LCOR: variants seen among roughly 807,000 people sequenced by gnomAD.
The protein encoded by LCOR is ligand dependent nuclear receptor corepressor, also known as ligand-dependent corepressor.
A neutral mutation model predicts 64.4 loss-of-function variants in LCOR; 14 were observed. The observed-to-expected ratio is 0.22, with a 90% CI of 0.14 to 0.34. LCOR has a LOEUF of 0.34. Ranked by LOEUF, LCOR falls within the 10% of genes least tolerant of loss-of-function variation. The probability of loss-of-function intolerance (pLI) is 1.00; values close to 1 mark genes in which losing one functional copy is unlikely to be tolerated. For missense variants in LCOR, 1,686 were observed against 1,765.3 expected, an observed-to-expected ratio of 0.96 and a Z score of 0.80; for synonymous variants, 643 against 642.5, an observed-to-expected ratio of 1.00 and a Z score of -0.01.
chr10:96,971,031 T>C (rs1847994969), intron 7 of LCOR, among the ~76,000 whole-genome samples: 1 of 152,234 alleles, frequency 6.6e-6, no homozygotes, highest in African/African-American at 2.4e-5. Flanking sequence ...CAAATTGGAA[T>C]GTGTGTACTG....
intron 2 of LCOR, among the ~76,000 whole-genome samples, chr10:96,900,163 A>G (rs13376965): frequency 0.14 from 21,735 of 152,150 alleles, 2,136 homozygotes; most frequent in African/African-American, 0.27. Flanking sequence ...TTTTATATCA[A>G]TGGACTCATA....
rs1221545312 is a variant in LCOR at position 96,981,511 on chromosome 10, G to A, written c.1051G>A (p.Ala351Thr). 3 of 1,614,082 alleles carry A rather than the reference G, an allele frequency of 1.9e-6. No individual in the cohort carries two copies. The highest frequency in any genetic ancestry group is 1.1e-5 in the South Asian group (1 of 91,084). ...TTTGTTCAAAGCTTTATCAGAAGAG[G>A]CTTGGAACTCAGGGTTTATGGGGAA... ...RNLFKALSEE[A>T]WNSGFMGNSS... The change falls in exon 8 of 8, where the codon GCT becomes ACT. Residue 351 changes from alanine (A) to threonine (T), a missense_variant. Physicochemically the swap from Ala to Thr is moderately conservative, Grantham distance 58 (BLOSUM62 0). Around this residue, in one of 3 missense-constraint regions of LCOR, gnomAD observed 313 missense variants for 247.2 expected, o/e 1.27. Transcript: ENST00000421806.
chr10:96,914,458 A>C (rs1846902170), intron 4 of LCOR, among the ~76,000 whole-genome samples: 1 of 152,216 alleles, frequency 6.6e-6, no homozygotes, highest in Non-Finnish European at 1.5e-5. Context: ...CGGCCTCCCA[A>C]AGTGCTGGGA....
intron 7 of LCOR, chr10:96,962,937 ACTCTT>A (rs1161808411): frequency 1.3e-5 from 2 of 152,106 alleles, no homozygotes; most frequent in African/African-American, 4.8e-5. Context: ...CAGTTTACAC[ACTCTT>A]CTCACTCAAT....
intron 7 of LCOR, chr10:96,957,252 T>C: frequency 6.1e-6 from 6 of 985,234 alleles, no homozygotes; most frequent in Non-Finnish European, 7.2e-6. Context: ...CTTCTTGACT[T>C]TTTCTGATAA....
chr10:96,874,910 A>G (rs1161025555), intron 2 of LCOR, among the ~76,000 whole-genome samples: 1 of 151,996 alleles, frequency 6.6e-6, no homozygotes, highest in Non-Finnish European at 1.5e-5. Context: ...TGCTGAGATT[A>G]CAGATGTGAG....
intron 2 of LCOR, among the ~76,000 whole-genome samples, chr10:96,856,466 CCCCTTCCTCCCT>C (rs1845806388): frequency 6.6e-6 from 1 of 151,452 alleles, no homozygotes; most frequent in African/African-American, 2.4e-5. Flanking sequence ...CTCCCCCCTC[CCCCTTCCTCCCT>C]GCCTTCCTTC....
In LCOR at chr10:96,991,546, C is replaced by T. The variant is rs1848200989; in HGVS notation, c.*6412C>T. 1 of 152,232 alleles carries T rather than the reference C, an allele frequency of 6.6e-6. No individual in the cohort carries two copies. Among genetic ancestry groups the T allele is most frequent in the African/African-American group, 2.4e-5 (1 of 41,458 alleles). 9.4% of individuals were successfully genotyped at this position (152,232 alleles called of 1,614,324 possible). On this transcript the variant is annotated 3_prime_UTR_variant, in exon 8 of 8. Transcript: ENST00000421806. ...AGTATGCGATGTGTTGGTTTTACCC[C>T]TAGAACCCTTCATTTCTCTTTTGTA... is the stretch of plus-strand genomic sequence containing the variant.
At chr10:96,884,834 G>A (rs1301828074) in intron 2 of LCOR, among the ~76,000 whole-genome samples, 1 of 151,950 alleles carries the variant, frequency 6.6e-6, no homozygotes, top group Admixed American at 6.6e-5. Context: ...TTAATACATG[G>A]GTAACACAGC....
chr10:96,955,349 G>T, intron 7 of LCOR: 1 of 1,614,106 alleles, frequency 6.2e-7, no homozygotes, highest in Non-Finnish European at 8.5e-7. Flanking sequence ...ATGGAAAAAA[G>T]GATGTGAGCC....
intron 2 of LCOR, among the ~76,000 whole-genome samples, chr10:96,868,441 A>AT (rs1346068082): frequency 2.0e-5 from 3 of 150,594 alleles, no homozygotes; most frequent in East Asian, 2.0e-4. Context: ...CCCCCGGCTA[A>AT]TTTTTTGTAT....
At position 96,982,355 on chromosome 10, in the gene LCOR, G is replaced by T; in HGVS notation, c.1895G>T (p.Gly632Val). 6.2e-7 allele frequency: 1 copy of T among 1,614,216 alleles called. No homozygotes were observed. The highest frequency in any genetic ancestry group is 8.5e-7 in the Non-Finnish European group (1 of 1,180,042). The stretch of plus-strand genomic sequence containing the variant: ...CTTCCTGAAGAGGACCTGCCAGAAG[G>T]TGGCTCCACAGTCTCAGCTCCCACA... ...AHLPEEDLPE[G>V]GSTVSAPTAS... Residue 632 changes from glycine to valine, a missense_variant, in exon 8 of 8, where the codon GGT becomes GTT. Gly to Val is a moderately radical substitution (Grantham distance 109, BLOSUM62 -3). This residue lies in a region of LCOR where 1,293 missense variants were observed against 1,410.4 expected (regional missense o/e 0.92). Transcript: ENST00000421806.
At position 96,982,384 on chromosome 10, in the gene LCOR, A is replaced by G; in HGVS notation, c.1924A>G (p.Ser642Gly). The G allele has an allele frequency of 6.2e-7, 1 of 1,614,170 alleles. No homozygotes were observed. The highest frequency in any genetic ancestry group is 1.1e-5 in the South Asian group (1 of 91,082). ...GGSTVSAPTA[S>G]GMSSPEHNQP... is the part of the protein sequence containing the mutation. ...CTCCACAGTCTCAGCTCCCACAGCAAGTGGGATGTCTTCTCCTGAACACAA... is the reference window on the plus strand; with the variant it reads ...CTCCACAGTCTCAGCTCCCACAGCAGGTGGGATGTCTTCTCCTGAACACAA... The change falls in exon 8 of 8, where the codon AGT becomes GGT. Residue 642 changes from serine to glycine, a missense_variant. Ser to Gly is a moderately conservative substitution (Grantham distance 56). This residue lies in a region of LCOR where 1,293 missense variants were observed against 1,410.4 expected (regional missense o/e 0.92). Transcript: ENST00000421806.
intron 4 of LCOR, among the ~76,000 whole-genome samples, chr10:96,910,590 G>A (rs868104295): frequency 6.6e-6 from 1 of 151,950 alleles, no homozygotes; most frequent in African/African-American, 2.4e-5. Flanking sequence ...TATTTTTTTT[G>A]TTTTGTTTTT....
At chr10:96,854,053 TG>T (rs534577233) in intron 2 of LCOR, among the ~76,000 whole-genome samples, 71 of 152,232 alleles carry the variant, frequency 4.7e-4, no homozygotes, top group African/African-American at 1.7e-3. Context: ...GAGATTCAGG[TG>T]GGGACATAGA....
intron 2 of LCOR, among the ~76,000 whole-genome samples, chr10:96,881,113 A>C (rs561518435): frequency 1.3e-5 from 2 of 152,318 alleles, no homozygotes; most frequent in East Asian, 1.9e-4. Context: ...TATGGTCTGC[A>C]ACACCTGAAA....
intron 7 of LCOR, chr10:96,956,125 ATGTT>A: frequency 7.2e-7 from 1 of 1,385,248 alleles, no homozygotes. Context: ...GGCTCGGAAT[ATGTT>A]TGGCCTTTTG....
intron 2 of LCOR, among the ~76,000 whole-genome samples, chr10:96,889,621 A>G (rs900214580): frequency 5.9e-5 from 9 of 152,134 alleles, no homozygotes; most frequent in African/African-American, 2.2e-4. Context: ...TTCTGACCTC[A>G]TTTCATCTTT....
At chr10:96,931,027 C>T (rs897845189) in intron 4 of LCOR, among the ~76,000 whole-genome samples, 1 of 151,998 alleles carries the variant, frequency 6.6e-6, no homozygotes, top group Non-Finnish European at 1.5e-5. Flanking sequence ...CTTTATAGCC[C>T]TTCCTAGAAA....
Sources: allele counts gnomAD v4.1 joint callset (sites outside exome capture counted in the v4.1 genomes callset), GRCh38; gene constraint gnomAD v4.1.1; regional missense constraint gnomAD v4.1.1; transcripts MANE v1.5; gene names NCBI Gene and HGNC (gene_info 2026-07-23, HGNC 2026-07-21).